Variants in BACH2 observed in about 807,000 individuals in gnomAD.
BACH2 encodes the protein BACH transcriptional regulator 2, also known as transcription regulator protein BACH2.
A neutral mutation model predicts 61.8 loss-of-function variants in BACH2; 5 were observed. That is an observed-to-expected ratio of 0.08 (90% CI 0.04 to 0.17). The LOEUF (loss-of-function observed/expected upper bound fraction) is 0.17. Among genes scored for constraint, BACH2 ranks in the 10% least tolerant of loss-of-function variants. The pLI, the probability that BACH2 is intolerant of heterozygous loss-of-function variation, is 1.00. For missense variants in BACH2, 824 were observed against 1,091.1 expected (o/e 0.76, Z 3.45); for synonymous variants, 446 against 440.1 (o/e 1.01, Z -0.17).
intron 6 of BACH2, among the ~76,000 whole-genome samples, chr6:89,969,157 G>T (rs371685392): frequency 2.0e-5 from 3 of 148,040 alleles, no homozygotes; most frequent in African/African-American, 5.0e-5. Flanking sequence ...GGGTTCAAGC[G>T]ATTCTCCTGC....
At chr6:90,092,843 T>G (rs1782230592) in intron 4 of BACH2, among the ~76,000 whole-genome samples, 1 of 152,180 alleles carries the variant, frequency 6.6e-6, no homozygotes, top group African/African-American at 2.4e-5. Flanking sequence ...TGTAAGGTCT[T>G]TTGGAAGCCA....
intron 5 of BACH2, among the ~76,000 whole-genome samples, chr6:90,065,748 T>C (rs1314134505): frequency 6.6e-6 from 1 of 152,192 alleles, no homozygotes; most frequent in Non-Finnish European, 1.5e-5. Context: ...GTTACACAGC[T>C]AATGCTAACT....
At chr6:90,268,311 T>C (rs1771411392) in intron 2 of BACH2, among the ~76,000 whole-genome samples, 1 of 152,184 alleles carries the variant, frequency 6.6e-6, no homozygotes, top group Non-Finnish European at 1.5e-5. Context: ...CGAACTGCAC[T>C]TGCCTTTTAT....
At chr6:90,047,033 C>T (rs1205159444) in intron 5 of BACH2, among the ~76,000 whole-genome samples, 4 of 152,066 alleles carry the variant, frequency 2.6e-5, no homozygotes, top group Non-Finnish European at 4.4e-5. Context: ...CGGGTTCAAG[C>T]GATTCTCCTG....
chr6:90,168,544 G>C (rs1014578908), intron 4 of BACH2, among the ~76,000 whole-genome samples: 10 of 152,062 alleles, frequency 6.6e-5, no homozygotes, highest in African/African-American at 9.7e-5. Context: ...ATAGGGGAAG[G>C]TCCGAAAGGA....
chr6:89,944,040 T>C (rs772646903), intron 7 of BACH2, among the ~76,000 whole-genome samples: 1 of 152,172 alleles, frequency 6.6e-6, no homozygotes, highest in Non-Finnish European at 1.5e-5. Context: ...CCCTCCCAGG[T>C]GAAGAAATGT....
At chr6:90,255,694 T>C (rs374484963) in intron 2 of BACH2, among the ~76,000 whole-genome samples, 69 of 152,268 alleles carry the variant, frequency 4.5e-4, no homozygotes, top group African/African-American at 4.3e-4. Context: ...TGAATAAGGG[T>C]ACTAGCTAGA....
chr6:90,174,938 A>G (rs1767938686), intron 4 of BACH2, among the ~76,000 whole-genome samples: 1 of 151,876 alleles, frequency 6.6e-6, no homozygotes, highest in African/African-American at 2.4e-5. Context: ...CAAACAAACA[A>G]GACAGTAAGT....
chr6:90,008,344 G>A lies in BACH2; in HGVS notation c.243+258C>T, dbSNP rs1232072270. 2 of 535,644 alleles carry A rather than the reference G, an allele frequency of 3.7e-6. No homozygotes were observed. The highest frequency in any genetic ancestry group is 3.3e-5 in the East Asian group (1 of 30,200). 33.2% of individuals were successfully genotyped at this position (535,644 alleles called of 1,614,324 possible). A position where few individuals can be genotyped will look rare whatever the true frequency, so the allele number is the denominator to read the frequency against. ...GGCTGAACCACTCAAAACCTGAAGG[G>A]TAAGTGAACTAGAAACTACAAGTGA... On this transcript the variant is annotated intron_variant, in intron 6 of 8. Transcript: ENST00000257749. The surrounding 1 kb of genome is among the most constrained non-coding windows in gnomAD (Gnocchi z 4.1).
At chr6:90,218,925 G>GTGTGTC (rs1769639997) in intron 3 of BACH2, among the ~76,000 whole-genome samples, 1 of 144,728 alleles carries the variant, frequency 6.9e-6, no homozygotes, top group South Asian at 2.2e-4. Flanking sequence ...CTTTCCGTGT[G>GTGTGTC]TGTGTGTGTG....
intron 4 of BACH2, among the ~76,000 whole-genome samples, chr6:90,123,990 G>A (rs1783745881): frequency 6.6e-6 from 1 of 152,140 alleles, no homozygotes; most frequent in African/African-American, 2.4e-5. Context: ...GCCAGACCTA[G>A]TGTGAGTCAG....
intron 2 of BACH2, among the ~76,000 whole-genome samples, chr6:90,257,534 C>T (rs1771017920): frequency 6.6e-6 from 1 of 152,198 alleles, no homozygotes; most frequent in Admixed American, 6.5e-5. Flanking sequence ...AATGTCTACT[C>T]AGGCCTTTTG....
chr6:90,174,845 A>C (rs1005053394), intron 4 of BACH2, among the ~76,000 whole-genome samples: 4 of 152,072 alleles, frequency 2.6e-5, no homozygotes, highest in Non-Finnish European at 4.4e-5. Context: ...ATAAAAGCTA[A>C]AATGAGATAG....
intron 8 of BACH2, among the ~76,000 whole-genome samples, chr6:89,934,862 AG>A (rs1772914916): frequency 6.6e-6 from 1 of 152,134 alleles, no homozygotes; most frequent in African/African-American, 2.4e-5. Flanking sequence ...GACACGCACA[AG>A]GAACAGGTCT....
At chr6:89,949,413 G>A (rs372581006) in intron 7 of BACH2, among the ~76,000 whole-genome samples, 2 of 152,210 alleles carry the variant, frequency 1.3e-5, no homozygotes, top group South Asian at 2.1e-4. Flanking sequence ...TCTTTCTAGG[G>A]AATGTTCATG....
intron 6 of BACH2, among the ~76,000 whole-genome samples, chr6:89,986,900 A>C (rs1210205498): frequency 6.6e-6 from 1 of 152,130 alleles, no homozygotes; most frequent in Non-Finnish European, 1.5e-5. Flanking sequence ...TCTTTAGGTC[A>C]CTCTTTGAAT....
intron 4 of BACH2, among the ~76,000 whole-genome samples, chr6:90,204,967 T>C (rs917119332): frequency 1.3e-5 from 2 of 152,324 alleles, no homozygotes; most frequent in Non-Finnish European, 2.9e-5. Context: ...AAACAATTGC[T>C]TGTTTTTTTG....
intron 5 of BACH2, among the ~76,000 whole-genome samples, chr6:90,019,142 A>C (rs1778243205): frequency 6.6e-6 from 1 of 152,216 alleles, no homozygotes; most frequent in Non-Finnish European, 1.5e-5. Context: ...TGCATGTATA[A>C]GGAAACACTC....
chr6:90,150,637 G>A (rs1401209679), intron 4 of BACH2, among the ~76,000 whole-genome samples: 1 of 152,158 alleles, frequency 6.6e-6, no homozygotes, highest in Admixed American at 6.5e-5. Flanking sequence ...AAGGAAGGAG[G>A]ATAGGCTGTG....
Sources: allele counts gnomAD v4.1 joint callset (sites outside exome capture counted in the v4.1 genomes callset), GRCh38; gene constraint gnomAD v4.1.1; non-coding constraint Gnocchi (gnomAD v3.1); transcripts MANE v1.5; gene names NCBI Gene and HGNC (gene_info 2026-07-23, HGNC 2026-07-21).